The following ITPR3 variants were observed in gnomAD, a reference collection of about 807,000 sequenced individuals.
The protein encoded by ITPR3 is inositol 1,4,5-trisphosphate receptor type 3.
Under a neutral mutation model 293.2 loss-of-function variants are expected in ITPR3, and 173 were observed. The observed-to-expected ratio is 0.59, with a 90% CI of 0.52 to 0.67. The LOEUF is 0.67. Among genes scored for constraint, ITPR3 ranks in the 30% least tolerant of loss-of-function variants. The pLI is 0.00. For synonymous variants in ITPR3, 1,295 were observed against 1,444.4 expected (o/e 0.90, Z 2.35); for missense variants, 2,796 against 3,592.1 (o/e 0.78, Z 5.66).
chr6:33,680,208 TG>T, intron 31 of ITPR3, 75 bp downstream of exon 31: 2 of 1,580,582 alleles, frequency 1.3e-6, no homozygotes, highest in East Asian at 2.3e-5. Context: ...ACAGGAAGAG[TG>T]GGTGAAGCAA....
Position 33,682,743 on chromosome 6 carries a change from C to T in ITPR3, c.4597+99C>T, listed in dbSNP as rs373365393. The T allele has an allele frequency of 2.1e-5, 30 of 1,421,588 alleles. No homozygotes were observed. The African/African-American group carries it at 4.0e-4, about 19-fold the overall frequency. The allele number at this position is 1,421,588 out of a possible 1,614,324, so 88.1% of individuals were successfully genotyped here. On this transcript the variant is annotated intron_variant, in intron 34 of 57. Coordinates refer to ENST00000605930, the MANE Select transcript of ITPR3 (RefSeq NM_002224.4). The surrounding 1 kb of genome is among the most constrained non-coding windows in gnomAD (Gnocchi z 5.4). ...AATAAACACTTTATCCCTAAGCTCG[C>T]CCATCTCCTGCTCCCAGGTGGTTGT...
chr6:33,629,682 G>A (rs1411216930), intron 1 of ITPR3, among the ~76,000 whole-genome samples: 1 of 151,816 alleles, frequency 6.6e-6, no homozygotes, highest in African/African-American at 2.4e-5. Context: ...GTTTCACCAT[G>A]TTGGGCAGGC....
At position 33,687,052 on chromosome 6, in the gene ITPR3, ATGACAGTGAAAATGC is replaced by A. The variant is rs1241940776; in HGVS notation, c.6027_6041del (p.Asp2009_Ala2013del). On this transcript the variant is annotated inframe_deletion, in exon 44 of 58. Coordinates refer to ENST00000605930, the MANE Select transcript of ITPR3 (RefSeq NM_002224.4). This position sits in a 1 kb window ranked among gnomAD's most constrained non-coding sequence, Gnocchi z 5.3. ...CTCCTGGCTCTGATGGAGAGCCGGC[ATGACAGTGAAAATGC>A]TGAGCGAATCCTCATCAGCCTGCGG... The A allele has an allele frequency of 7.4e-6, 12 of 1,614,030 alleles. No individual in the cohort carries two copies. Among genetic ancestry groups the A allele is most frequent in the Non-Finnish European group, 1.0e-5 (12 of 1,180,004 alleles).
At chr6:33,674,352 G>C (rs1279380667) in intron 24 of ITPR3, 87 bp downstream of exon 24, 1 of 1,313,924 alleles carries the variant, frequency 7.6e-7, no homozygotes, top group East Asian at 2.3e-5. Flanking sequence ...TGGGCTGGGG[G>C]CTGGCTCTTC....
chr6:33,671,127 G>A, intron 20 of ITPR3, 38 bp from the exon 21 acceptor site: 2 of 1,609,984 alleles, frequency 1.2e-6, no homozygotes, highest in Non-Finnish European at 1.7e-6. Flanking sequence ...CTACGCGCCG[G>A]CCCCTCCCAC....
intron 3 of ITPR3, among the ~76,000 whole-genome samples, chr6:33,656,695 G>A (rs933986818): frequency 5.3e-4 from 80 of 151,840 alleles, no homozygotes; most frequent in African/African-American, 1.8e-3. Flanking sequence ...TCCCAACCCC[G>A]TTCCCCAAAC....
intron 56 of ITPR3, 100 bp downstream of exon 56, chr6:33,693,805 T>TG: frequency 7.1e-7 from 1 of 1,401,926 alleles, no homozygotes; most frequent in Non-Finnish European, 9.8e-7. Context: ...CTGAGTACCC[T>TG]GGGCCCTGGA....
At chr6:33,665,484 G>A (rs935424652) in intron 13 of ITPR3, among the ~76,000 whole-genome samples, 1 of 152,196 alleles carries the variant, frequency 6.6e-6, no homozygotes, top group Admixed American at 6.5e-5. Flanking sequence ...GAGAGGTTAC[G>A]AGACTTGCTC....
intron 1 of ITPR3, among the ~76,000 whole-genome samples, chr6:33,623,195 A>G (rs1763477592): frequency 6.6e-6 from 1 of 152,050 alleles, no homozygotes; most frequent in Non-Finnish European, 1.5e-5. Context: ...GGAGGGACAT[A>G]GGGATCTATC....
chr6:33,687,415 G>GC lies in ITPR3; in HGVS notation c.6178-57dup. 3.3e-6 allele frequency: 5 copies of GC among 1,519,630 alleles called. No individual in the cohort carries two copies. The highest frequency in any genetic ancestry group is 2.4e-5 in the South Asian group (2 of 85,080). The allele number at this position is 1,519,630 out of a possible 1,614,324, so 94.1% of individuals were successfully genotyped here. ...CCATCATCCCCCAGTCGCCATTGTC[G>GC]CCCCCCAGCCACCATGTCCCCCAGC... On this transcript the variant is annotated intron_variant, in intron 45 of 57. Transcript: ENST00000605930. The surrounding 1 kb of genome is among the most constrained non-coding windows in gnomAD (Gnocchi z 5.3).
chr6:33,675,186 C>T lies in ITPR3; in HGVS notation c.3117-505C>T, dbSNP rs1284807306. Among the ~76,000 whole-genome samples, 2 of 152,092 alleles carry T rather than the reference C, an allele frequency of 1.3e-5. No homozygotes were observed. The highest frequency in any genetic ancestry group is 2.9e-5 in the Non-Finnish European group (2 of 68,020). ...CTTGTAATCCCAGCACTTTGGGAGGCCGAGGTGGGCAGATCACTTGAGGTC... is the reference window on the plus strand; with the variant it reads ...CTTGTAATCCCAGCACTTTGGGAGGTCGAGGTGGGCAGATCACTTGAGGTC... On this transcript the variant is annotated intron_variant, in intron 24 of 57. Transcript: ENST00000605930. The surrounding 1 kb of genome is among the most constrained non-coding windows in gnomAD (Gnocchi z 5.0).
In ITPR3 at chr6:33,696,209, CT is replaced by C. The variant is rs34601230; in HGVS notation, c.*432del. ...TATGCTGTTACTAGTGATTTTAGGGCTTTGTTATTTAACTTATTTCAAGGGT... is the reference window on the plus strand; with the variant it reads ...TATGCTGTTACTAGTGATTTTAGGGCTTGTTATTTAACTTATTTCAAGGGT... On this transcript the variant is annotated 3_prime_UTR_variant, in exon 58 of 58. Transcript: ENST00000605930. 0.18 allele frequency: 34,908 copies of C among 196,156 alleles called. 3,481 individuals are homozygous for C. The highest frequency in any genetic ancestry group is 0.21 in the African/African-American group (9,045 of 43,240). The allele number at this position is 196,156 out of a possible 1,614,324, so 12.2% of individuals were successfully genotyped here. A position where few individuals can be genotyped will look rare whatever the true frequency, so the allele number is the denominator to read the frequency against.
rs1764942759 is a variant in ITPR3 at position 33,677,601 on chromosome 6, T to C, written c.3620T>C (p.Leu1207Pro). The stretch of plus-strand genomic sequence containing the variant: ...AACATGGATGCCCACAAGGTCATGC[T>C]GGACCTGCTGCAGATCCCCTATGAC... Reference protein sequence around the residue: ...LKNMDAHKVMLDLLQIPYDKG... With the variant: ...LKNMDAHKVMPDLLQIPYDKG... Residue 1207 changes from leucine to proline, a missense_variant, in exon 28 of 58, where the codon CTG becomes CCG. By Grantham distance (98) the Leu-to-Pro change is moderately conservative. Transcript: ENST00000605930. The C allele has an allele frequency of 1.2e-6, 2 of 1,613,998 alleles. No individual in the cohort carries two copies. The highest frequency in any genetic ancestry group is 1.7e-6 in the Non-Finnish European group (2 of 1,179,910).
At chr6:33,686,667 T>TGGTGTGTGCAG in intron 43 of ITPR3, 148 bp downstream of exon 43, 1 of 696,762 alleles carries the variant, frequency 1.4e-6, no homozygotes, top group African/African-American at 1.7e-5. Flanking sequence ...CACAAGTGTG[T>TGGTGTGTGCAG]GGTGTGTGCA....
rs1765012908 is a variant in ITPR3 at position 33,679,634 on chromosome 6, A to G, written c.3973-248A>G. Among the ~76,000 whole-genome samples, 1 of 151,848 alleles carries G rather than the reference A, an allele frequency of 6.6e-6. No homozygotes were observed. The highest frequency in any genetic ancestry group is 1.5e-5 in the Non-Finnish European group (1 of 67,980). On this transcript the variant is annotated intron_variant, in intron 30 of 57. Transcript: ENST00000605930. This position sits in a 1 kb window ranked among gnomAD's most constrained non-coding sequence, Gnocchi z 4.2. ...CCTGGAGGAAGCTGCCTCTGAGATG[A>G]CCCCTATGGGACTTCTTTCCAGTGG...
intron 7 of ITPR3, 91 bp from the exon 8 acceptor site, chr6:33,662,437 C>T: frequency 6.9e-7 from 1 of 1,439,112 alleles, no homozygotes; most frequent in Non-Finnish European, 9.3e-7. Flanking sequence ...CAGCAGCCAA[C>T]CCTGTCTGAG....
intron 1 of ITPR3, among the ~76,000 whole-genome samples, chr6:33,630,279 T>A (rs1206795818): frequency 1.3e-5 from 2 of 152,166 alleles, no homozygotes; most frequent in Non-Finnish European, 2.9e-5. Flanking sequence ...CAGGGCTGCC[T>A]TTGTTGCTTT....
At chr6:33,650,272 A>T (rs1764156298) in intron 2 of ITPR3, among the ~76,000 whole-genome samples, 1 of 152,230 alleles carries the variant, frequency 6.6e-6, no homozygotes, top group South Asian at 2.1e-4. Context: ...TGGGATGTGT[A>T]TGGCGACGGG....
Position 33,672,869 on chromosome 6 carries a change from T to G in ITPR3, c.2928+641T>G, listed in dbSNP as rs1331029555. ...TGCAGTCATCCCTGTTGTGGTCTCA[T>G]CTGAGACTCCCCAGCCACACCCCAG... On this transcript the variant is annotated intron_variant, in intron 22 of 57. Coordinates refer to ENST00000605930, the MANE Select transcript of ITPR3 (RefSeq NM_002224.4). The surrounding 1 kb of genome is among the most constrained non-coding windows in gnomAD (Gnocchi z 5.0). Among the ~76,000 whole-genome samples, 1 of 152,134 alleles carries G rather than the reference T, an allele frequency of 6.6e-6. No homozygotes were observed. Among genetic ancestry groups the G allele is most frequent in the Admixed American group, 6.5e-5 (1 of 15,278 alleles).
Sources: gnomAD v4.1 joint callset for allele counts (sites outside exome capture counted in the v4.1 genomes callset) on GRCh38, gnomAD v4.1.1 for gene constraint, Gnocchi (gnomAD v3.1) non-coding constraint, MANE v1.5 for transcripts, NCBI Gene and HGNC (gene_info 2026-07-23, HGNC 2026-07-21) for gene names.